NPAS3: variants seen among roughly 807,000 people sequenced by gnomAD.
The protein encoded by NPAS3 is neuronal PAS domain-containing protein 3.
NPAS3 carries 14 observed loss-of-function variants against 73.1 expected under a neutral mutation model. That is an observed-to-expected ratio of 0.19 (90% CI 0.13 to 0.30). The LOEUF is 0.30. Among genes scored for constraint, NPAS3 ranks in the 10% least tolerant of loss-of-function variants. The pLI, the probability that NPAS3 is intolerant of heterozygous loss-of-function variation, is 1.00. For missense variants in NPAS3, 1,096 were observed against 1,250.0 expected (o/e 0.88, Z 1.86); for synonymous variants, 620 against 541.5 (o/e 1.14, Z -2.01).
At chr14:33,018,140 G>A (rs1377518412) in intron 1 of NPAS3, among the ~76,000 whole-genome samples, 6 of 152,182 alleles carry the variant, frequency 3.9e-5, no homozygotes, top group Non-Finnish European at 5.9e-5. Context: ...GACAGATTGT[G>A]GAGGTGGACA....
At chr14:33,652,526 G>A (rs1292679321) in intron 5 of NPAS3, among the ~76,000 whole-genome samples, 1 of 152,104 alleles carries the variant, frequency 6.6e-6, no homozygotes, top group African/African-American at 2.4e-5. Flanking sequence ...AGTGACCAGG[G>A]GCTCGCAGAG....
chr14:33,068,675 C>T lies in NPAS3; in HGVS notation c.140+12681C>T, dbSNP rs139186855. Among the ~76,000 whole-genome samples, 614 of 152,184 alleles carry T rather than the reference C, an allele frequency of 4.0e-3. 5 individuals carry two copies. Among genetic ancestry groups the T allele is most frequent in the African/African-American group, 0.014 (583 of 41,506 alleles). The stretch of plus-strand genomic sequence containing the variant: ...GAAGGTTAAGAAGGATTTAGGAGTC[C>T]TGGGGTAGAAGTGAGTCATTGTGGT... On this transcript the variant is annotated intron_variant, in intron 2 of 11. Transcript: ENST00000356141.
intron 2 of NPAS3, among the ~76,000 whole-genome samples, chr14:33,154,766 A>G (rs2044587885): frequency 6.6e-6 from 1 of 152,186 alleles, no homozygotes; most frequent in Non-Finnish European, 1.5e-5. Flanking sequence ...TAGTTACATG[A>G]AAGATGTTGA....
intron 8 of NPAS3, among the ~76,000 whole-genome samples, chr14:33,776,790 G>T (rs901783920): frequency 1.3e-5 from 2 of 152,068 alleles, no homozygotes; most frequent in Non-Finnish European, 2.9e-5. Context: ...CAGAGTAAAA[G>T]GTGCCATCAG....
chr14:33,714,530 T>C (rs1190372988), intron 6 of NPAS3, among the ~76,000 whole-genome samples: 1 of 152,150 alleles, frequency 6.6e-6, no homozygotes, highest in Non-Finnish European at 1.5e-5. Context: ...GATGGATACT[T>C]GGGAGGAGAT....
At chr14:33,220,972 T>C (rs1295017723) in intron 3 of NPAS3, among the ~76,000 whole-genome samples, 1 of 152,158 alleles carries the variant, frequency 6.6e-6, no homozygotes, top group African/African-American at 2.4e-5. Flanking sequence ...GAACAAGCAA[T>C]CACAACATCT....
At chr14:33,339,873 A>G (rs74042056) in intron 3 of NPAS3, among the ~76,000 whole-genome samples, 1,848 of 152,120 alleles carry the variant, frequency 0.012, 37 homozygotes, top group African/African-American at 0.043. Context: ...TTAAGACTTT[A>G]TGTGTAATAT....
chr14:33,085,100 C>T (rs1169423419), intron 2 of NPAS3, among the ~76,000 whole-genome samples: 1 of 152,168 alleles, frequency 6.6e-6, no homozygotes, highest in African/African-American at 2.4e-5. Context: ...TTATTCTGGG[C>T]TTCCTTCTCC....
intron 6 of NPAS3, among the ~76,000 whole-genome samples, chr14:33,684,398 A>G (rs2060029926): frequency 6.6e-6 from 1 of 151,832 alleles, no homozygotes; most frequent in Non-Finnish European, 1.5e-5. Context: ...TACAACCTCC[A>G]TCTCTCGGGC....
intron 5 of NPAS3, among the ~76,000 whole-genome samples, chr14:33,632,084 T>C (rs999363102): frequency 9.2e-5 from 14 of 152,188 alleles, no homozygotes; most frequent in Admixed American, 9.2e-4. Flanking sequence ...CCGGTTAGTC[T>C]TGCAAGCTGT....
At chr14:33,501,630 G>GTTTTTTT (rs537009195) in intron 4 of NPAS3, among the ~76,000 whole-genome samples, 1 of 138,570 alleles carries the variant, frequency 7.2e-6, no homozygotes, top group Non-Finnish European at 1.6e-5. Context: ...ATCTGGATTT[G>GTTTTTTT]TTTTTTTTTT....
chr14:32,984,840 A>G (rs1566432473), intron 1 of NPAS3, among the ~76,000 whole-genome samples: 1 of 152,168 alleles, frequency 6.6e-6, no homozygotes, highest in Non-Finnish European at 1.5e-5. Flanking sequence ...CCTGTCTTCT[A>G]AAAGAGTTTG....
At chr14:33,759,140 T>G (rs4982108) in intron 7 of NPAS3, among the ~76,000 whole-genome samples, 151,674 of 152,288 alleles carry the variant, frequency 1, 75,532 homozygotes, top group Middle Eastern at 1. Flanking sequence ...AACTGCTGAT[T>G]CTTTATTATA....
chr14:33,051,296 A>AAAAAAAAAAAAAAAAAG (rs771840433), intron 1 of NPAS3, among the ~76,000 whole-genome samples: 32 of 142,572 alleles, frequency 2.2e-4, no homozygotes, highest in African/African-American at 7.2e-4. Context: ...AAAAAAAAAA[A>AAAAAAAAAAAAAAAAAG]AGAGAGACTA....
intron 5 of NPAS3, among the ~76,000 whole-genome samples, chr14:33,563,562 AG>A (rs1295690576): frequency 2.6e-5 from 4 of 151,238 alleles, no homozygotes; most frequent in Admixed American, 6.6e-5. Flanking sequence ...AGAGAGAGAG[AG>A]AGGAGAGATG....
chr14:33,413,321 G>T (rs968481223), intron 4 of NPAS3, among the ~76,000 whole-genome samples: 6 of 146,380 alleles, frequency 4.1e-5, no homozygotes, highest in Non-Finnish European at 9.0e-5. Flanking sequence ...CTTTTTTATT[G>T]TTTTCTGAGC....
Position 33,282,997 on chromosome 14 carries a change from G to A in NPAS3, c.385+67571G>A, listed in dbSNP as rs889582304. ...TTGAGATTCCCCTAGAAAAATGAGAGATTTAAGAAACTTGAAAATTACTCA... is the reference window on the plus strand; with the variant it reads ...TTGAGATTCCCCTAGAAAAATGAGAAATTTAAGAAACTTGAAAATTACTCA... On this transcript the variant is annotated intron_variant, in intron 3 of 11. Coordinates refer to ENST00000356141, the Ensembl canonical transcript of NPAS3. Among the ~76,000 whole-genome samples, 5 of 152,184 alleles carry A rather than the reference G, an allele frequency of 3.3e-5. No homozygotes were observed. The East Asian group carries it at 9.6e-4, about 29-fold the overall frequency.
intron 2 of NPAS3, among the ~76,000 whole-genome samples, chr14:33,111,933 C>T (rs1393334090): frequency 2.0e-5 from 3 of 151,680 alleles, no homozygotes; most frequent in South Asian, 4.2e-4. Flanking sequence ...GTTTTTTGTC[C>T]TTGGTGATAG....
intron 5 of NPAS3, among the ~76,000 whole-genome samples, chr14:33,663,053 T>C (rs1192764643): frequency 6.6e-6 from 1 of 151,914 alleles, no homozygotes; most frequent in Non-Finnish European, 1.5e-5. Flanking sequence ...CTCTTCCTAT[T>C]TGAATACCCT....
Sources: gnomAD v4.1 joint callset for allele counts (sites outside exome capture counted in the v4.1 genomes callset) on GRCh38, gnomAD v4.1.1 for gene constraint, MANE v1.5 for transcripts, NCBI Gene and HGNC (gene_info 2026-07-23, HGNC 2026-07-21) for gene names.